MCTP1: variants seen among roughly 807,000 people sequenced by gnomAD.
MCTP1 encodes multiple C2 and transmembrane domain-containing protein 1.
In MCTP1, 69 loss-of-function variants were observed where a neutral mutation model predicts 120.6. The observed-to-expected ratio is 0.57, with a 90% confidence interval of 0.47 to 0.70. MCTP1 has a LOEUF of 0.70. MCTP1 is among the 30% of genes least tolerant of loss of function. MCTP1 has a pLI of 0.00. For synonymous variants in MCTP1, 529 were observed against 493.1 expected, an observed-to-expected ratio of 1.07 and a Z score of -0.96; for missense variants, 1,203 against 1,248.8, an observed-to-expected ratio of 0.96 and a Z score of 0.55.
intron 2 of MCTP1, among the ~76,000 whole-genome samples, chr5:94,974,820 G>A (rs1321022947): frequency 1.3e-5 from 2 of 151,882 alleles, no homozygotes; most frequent in Admixed American, 6.6e-5. Context: ...CACGACTTTT[G>A]TAGATTAATT....
chr5:95,052,490 G>A (rs1343995181), intron 1 of MCTP1, among the ~76,000 whole-genome samples: 1 of 152,160 alleles, frequency 6.6e-6, no homozygotes, highest in Non-Finnish European at 1.5e-5. Context: ...AGGGATGTAA[G>A]GCTAAAACTC....
intron 2 of MCTP1, among the ~76,000 whole-genome samples, chr5:94,989,784 T>C (rs1831169611): frequency 6.6e-6 from 1 of 152,138 alleles, no homozygotes; most frequent in Non-Finnish European, 1.5e-5. Flanking sequence ...CAATCACCAA[T>C]GGCCAGTGGC....
chr5:95,206,679 C>T (rs914390224), intron 1 of MCTP1, among the ~76,000 whole-genome samples: 5 of 152,020 alleles, frequency 3.3e-5, no homozygotes, highest in East Asian at 1.9e-4. Context: ...GGACTTCAGG[C>T]GTGTGCCACC....
intron 17 of MCTP1, chr5:94,867,189 G>T: frequency 7.4e-7 from 1 of 1,350,742 alleles, no homozygotes; most frequent in Non-Finnish European, 9.6e-7. Flanking sequence ...GCTACAAAAA[G>T]AATACTGAGA....
chr5:94,901,338 C>T (rs552455998), intron 10 of MCTP1, among the ~76,000 whole-genome samples: 74 of 152,208 alleles, frequency 4.9e-4, no homozygotes, highest in Admixed American at 3.0e-3. Context: ...ACCTTCCACC[C>T]GGGTCCCTCC....
intron 19 of MCTP1, among the ~76,000 whole-genome samples, chr5:94,742,329 A>G (rs1021425680): frequency 6.6e-6 from 1 of 152,192 alleles, no homozygotes; most frequent in Non-Finnish European, 1.5e-5. Flanking sequence ...TACTGGGATT[A>G]CAGGGGTGCA....
At chr5:94,953,804 CATATATATAT>C (rs1407387155) in intron 2 of MCTP1, among the ~76,000 whole-genome samples, 1 of 114,120 alleles carries the variant, frequency 8.8e-6, no homozygotes, top group Non-Finnish European at 1.7e-5. Context: ...CATATATATA[CATATATATAT>C]ACAAATATAT....
chr5:94,873,062 AT>A lies in MCTP1; in HGVS notation c.2036+76del, dbSNP rs527927840. The A allele has an allele frequency of 3.3e-4, 284 of 857,162 alleles. 1 individual carries two copies. The East Asian group carries it at 4.0e-3, about 12-fold the overall frequency. The allele number at this position is 857,162 out of a possible 1,614,324, so 53.1% of individuals were successfully genotyped here. A position where few individuals can be genotyped will look rare whatever the true frequency, so the allele number is the denominator to read the frequency against. On this transcript the variant is annotated intron_variant, in intron 13 of 22. Transcript: ENST00000515393. Reference sequence around the variant, plus strand: ...GAATCAGTTAAGAATAAACACACACATTTTTTTTAAAACCCTCAAAAATAAA... The same window carrying A: ...GAATCAGTTAAGAATAAACACACACATTTTTTTAAAACCCTCAAAAATAAA...
At chr5:94,882,409 C>A (rs977856155) in intron 12 of MCTP1, among the ~76,000 whole-genome samples, 2 of 151,902 alleles carry the variant, frequency 1.3e-5, no homozygotes, top group African/African-American at 2.4e-5. Context: ...ACCCAAGTAT[C>A]TCTGTAGTAA....
intron 1 of MCTP1, among the ~76,000 whole-genome samples, chr5:95,128,123 A>G (rs1260376472): frequency 6.6e-6 from 1 of 152,214 alleles, no homozygotes; most frequent in Admixed American, 6.5e-5. Context: ...AAAGGCTGGA[A>G]GGCTAAACAG....
intron 1 of MCTP1, among the ~76,000 whole-genome samples, chr5:95,276,857 C>G (rs899564470): frequency 2.6e-5 from 4 of 151,848 alleles, no homozygotes; most frequent in Non-Finnish European, 5.9e-5. Flanking sequence ...GAGGCTGAGG[C>G]AGGAGAATGG....
At chr5:95,078,956 A>G (rs1333473800) in intron 1 of MCTP1, among the ~76,000 whole-genome samples, 2 of 152,196 alleles carry the variant, frequency 1.3e-5, no homozygotes, top group Non-Finnish European at 2.9e-5. Flanking sequence ...CTTGGAGAGA[A>G]ATCCCTGTAG....
intron 8 of MCTP1, among the ~76,000 whole-genome samples, chr5:94,916,669 G>A (rs557566483): frequency 5.9e-5 from 9 of 152,348 alleles, no homozygotes; most frequent in Non-Finnish European, 8.8e-5. Context: ...TTGCTGCTCT[G>A]TTTAAAAAGT....
intron 1 of MCTP1, among the ~76,000 whole-genome samples, chr5:95,211,608 C>A (rs1006789057): frequency 1.3e-5 from 2 of 152,274 alleles, no homozygotes; most frequent in South Asian, 2.1e-4. Flanking sequence ...AACCTCTTTG[C>A]CTTTGGTTTG....
At chr5:95,113,498 A>G (rs1757600909) in intron 1 of MCTP1, among the ~76,000 whole-genome samples, 1 of 152,118 alleles carries the variant, frequency 6.6e-6, no homozygotes, top group Non-Finnish European at 1.5e-5. Flanking sequence ...AAATTGTGAG[A>G]CAACGTATAT....
intron 1 of MCTP1, among the ~76,000 whole-genome samples, chr5:95,271,365 T>C (rs1435708751): frequency 1.3e-5 from 2 of 152,220 alleles, no homozygotes; most frequent in Non-Finnish European, 2.9e-5. Flanking sequence ...AATTCAGTTA[T>C]TCACCAGCTC....
chr5:94,917,833 T>G (rs1810495007), intron 8 of MCTP1, 63 bp downstream of exon 8: 4 of 1,328,504 alleles, frequency 3.0e-6, no homozygotes, highest in Admixed American at 3.4e-5. Context: ...GTAAGTTGGC[T>G]CTCAGAAATC....
intron 12 of MCTP1, among the ~76,000 whole-genome samples, chr5:94,878,815 A>G (rs1344630780): frequency 1.3e-5 from 2 of 151,834 alleles, no homozygotes; most frequent in East Asian, 3.9e-4. Flanking sequence ...ATTGTATGTT[A>G]GAGAGTGCTA....
rs1408743748 is a variant in MCTP1 at position 95,060,950 on chromosome 5, A to AAAG, written c.721-43467_721-43466insCTT. 2.4e-3 allele frequency among the ~76,000 whole-genome samples: 360 copies of AAAG among 149,318 alleles called. 3 individuals are homozygous for AAAG. The highest frequency in any genetic ancestry group is 8.3e-3 in the African/African-American group (325 of 39,384). ...GAGCATGCCACTCCACAAAAAAAAA[A>AAAG]AAAAGAAAAGAAAAGAAAAGAAAAT... On this transcript the variant is annotated intron_variant, in intron 1 of 22. Transcript: ENST00000515393.
Sources: allele counts gnomAD v4.1 joint callset (sites outside exome capture counted in the v4.1 genomes callset), GRCh38; gene constraint gnomAD v4.1.1; transcripts MANE v1.5; gene names NCBI Gene and HGNC (gene_info 2026-07-23, HGNC 2026-07-21).